Variants in PRUNE2 observed in about 807,000 individuals in gnomAD.
PRUNE2 encodes the protein protein prune homolog 2.
PRUNE2 carries 164 observed loss-of-function variants against 252.0 expected under a neutral mutation model. That is an observed-to-expected ratio of 0.65 (90% CI 0.57 to 0.74). The LOEUF (loss-of-function observed/expected upper bound fraction) is 0.74, where lower values mean the gene tolerates loss of function less well. Ranked by LOEUF, PRUNE2 falls within the 30% of genes least tolerant of loss-of-function variation. The pLI is 0.00. For synonymous variants in PRUNE2, 1,292 were observed against 1,350.2 expected, an observed-to-expected ratio of 0.96 and a Z score of 0.94; for missense variants, 3,495 against 3,711.0, an observed-to-expected ratio of 0.94 and a Z score of 1.51.
At chr9:76,871,147 C>T (rs571604208) in intron 1 of PRUNE2, among the ~76,000 whole-genome samples, 4 of 150,674 alleles carry the variant, frequency 2.7e-5, no homozygotes, top group African/African-American at 1.0e-4. Flanking sequence ...TCCCTCTCTG[C>T]CAGTCATCCA....
intron 1 of PRUNE2, among the ~76,000 whole-genome samples, chr9:76,881,689 T>C (rs1033860381): frequency 6.6e-6 from 1 of 151,982 alleles, no homozygotes; most frequent in African/African-American, 2.4e-5. Flanking sequence ...TGGCACGATC[T>C]TGGCTCACTG....
At chr9:76,640,504 TGTAA>T (rs1289195546) in intron 12 of PRUNE2, among the ~76,000 whole-genome samples, 1 of 152,232 alleles carries the variant, frequency 6.6e-6, no homozygotes, top group Non-Finnish European at 1.5e-5. Flanking sequence ...ATGCTACCTA[TGTAA>T]GTATTCAACT....
intron 1 of PRUNE2, among the ~76,000 whole-genome samples, chr9:76,864,731 C>T (rs1446064093): frequency 1.3e-5 from 2 of 152,012 alleles, no homozygotes; most frequent in South Asian, 2.1e-4. Flanking sequence ...TGGATGTGAT[C>T]GGGGCAATTA....
intron 9 of PRUNE2, chr9:76,692,466 TA>T (rs58784975): frequency 0.53 from 140,716 of 267,706 alleles, 39,225 homozygotes; most frequent in Middle Eastern, 0.66. Flanking sequence ...AACCTCTTTT[TA>T]AAAAAAAATC....
intron 6 of PRUNE2, among the ~76,000 whole-genome samples, chr9:76,766,413 CTCTTT>C (rs1394010488): frequency 4.6e-5 from 7 of 151,994 alleles, no homozygotes; most frequent in African/African-American, 1.7e-4. Context: ...AGTCAGCTTT[CTCTTT>C]TCTTATGTCT....
At chr9:76,743,771 G>A (rs1007483503) in intron 6 of PRUNE2, among the ~76,000 whole-genome samples, 2 of 152,134 alleles carry the variant, frequency 1.3e-5, no homozygotes, top group African/African-American at 4.8e-5. Flanking sequence ...CCATAAGTAT[G>A]TATATATGTC....
At chr9:76,773,005 G>C (rs1253250528) in intron 6 of PRUNE2, among the ~76,000 whole-genome samples, 1 of 152,102 alleles carries the variant, frequency 6.6e-6, no homozygotes, top group Admixed American at 6.6e-5. Context: ...CCAAAACCTT[G>C]CCACCTGGGA....
chr9:76,700,878 A>G (rs2045827027), intron 9 of PRUNE2, among the ~76,000 whole-genome samples: 1 of 152,206 alleles, frequency 6.6e-6, no homozygotes, highest in Non-Finnish European at 1.5e-5. Flanking sequence ...GAAATAGCGC[A>G]GAGTGCTTAA....
At chr9:76,862,214 T>C (rs1364234802) in intron 1 of PRUNE2, 2 of 152,202 alleles carry the variant, frequency 1.3e-5, no homozygotes, top group African/African-American at 2.4e-5. Context: ...AGGTCAGGAG[T>C]TCGAGACCAG....
At chr9:76,651,503 A>C (rs533088248) in intron 11 of PRUNE2, among the ~76,000 whole-genome samples, 1 of 152,368 alleles carries the variant, frequency 6.6e-6, no homozygotes, top group East Asian at 1.9e-4. Flanking sequence ...AAAATGAATA[A>C]AAGCAATAGC....
chr9:76,708,442 C>T lies in PRUNE2; in HGVS notation c.3832G>A (p.Ala1278Thr), dbSNP rs1324674659. The T allele has an allele frequency of 1.2e-6, 2 of 1,613,894 alleles. No individual in the cohort carries two copies. Among genetic ancestry groups the T allele is most frequent in the Middle Eastern group, 1.6e-4 (1 of 6,062 alleles). The change falls in exon 8 of 19, where the codon GCA becomes ACA. Residue 1278 changes from alanine (A) to threonine (T), a missense_variant. Physicochemically the swap from Ala to Thr is moderately conservative, Grantham distance 58. Coordinates refer to ENST00000376718, the MANE Select transcript of PRUNE2 (RefSeq NM_015225.3). ...PAASGTSESEALISHLDKQDT... is the reference protein window; with the variant it reads ...PAASGTSESETLISHLDKQDT... The stretch of plus-strand genomic sequence containing the variant: ...TGCTTGTCAAGATGAGATATAAGTG[C>T]CTCTGATTCACTGGTTCCAGAGGCT...
At chr9:76,749,816 AC>A (rs1230352962) in intron 6 of PRUNE2, among the ~76,000 whole-genome samples, 1 of 152,198 alleles carries the variant, frequency 6.6e-6, no homozygotes, top group East Asian at 1.9e-4. Context: ...TAAGAAGGGA[AC>A]AGGGCATGAC....
chr9:76,796,840 G>T (rs139616038), intron 6 of PRUNE2, among the ~76,000 whole-genome samples: 80 of 152,312 alleles, frequency 5.3e-4, no homozygotes, highest in African/African-American at 1.9e-3. Flanking sequence ...CTGAGGAAGA[G>T]GGAGCCTCTC....
Position 76,705,396 on chromosome 9 carries a change from T to G in PRUNE2, c.6878A>C (p.Asp2293Ala). ...DALLASDTCLDISEAAFDHSF... is the reference protein window; with the variant it reads ...DALLASDTCLAISEAAFDHSF... The stretch of plus-strand genomic sequence containing the variant: ...GTGGTCAAAGGCAGCTTCGCTTATA[T>G]CCAGACAAGTGTCTGAGGCTAGCAA... The change falls in exon 8 of 19, where the codon GAT becomes GCT. Residue 2293 changes from aspartate to alanine, a missense_variant. By Grantham distance (126) the Asp-to-Ala change is moderately radical. Transcript: ENST00000376718. 6.2e-7 allele frequency: 1 copy of G among 1,613,986 alleles called. No individual in the cohort carries two copies. The highest frequency in any genetic ancestry group is 1.3e-5 in the African/African-American group (1 of 75,040).
rs141785473 is a variant in PRUNE2, at chr9:76,777,632, C to T, written c.756+46000G>A. Among the ~76,000 whole-genome samples, 54 of 152,300 alleles carry T rather than the reference C, an allele frequency of 3.5e-4. No homozygotes were observed. The East Asian group carries it at 9.6e-3, about 27-fold the overall frequency. ...TAAAACAGACAAAAATCCCTACCCT[C>T]GTGAAAGTCACATTTCAATGCTGGT... On this transcript the variant is annotated intron_variant, in intron 6 of 18. Coordinates refer to ENST00000376718, the MANE Select transcript of PRUNE2 (RefSeq NM_015225.3).
chr9:76,660,587 G>T (rs1375215381), intron 9 of PRUNE2, among the ~76,000 whole-genome samples: 1 of 151,938 alleles, frequency 6.6e-6, no homozygotes, highest in African/African-American at 2.4e-5. Flanking sequence ...TTCAAGACCA[G>T]CCTGGCCAAG....
rs189417508 is a variant in PRUNE2 at position 76,614,357 on chromosome 9, T to C, written c.*213A>G. Reference sequence around the variant, plus strand: ...TCTTGCTAAGGCTCAACTAAAATCTTTGAGGCACATAATTGGCAAAATAGG... The same window carrying C: ...TCTTGCTAAGGCTCAACTAAAATCTCTGAGGCACATAATTGGCAAAATAGG... On this transcript the variant is annotated 3_prime_UTR_variant, in exon 19 of 19. Transcript: ENST00000376718. 9.1e-4 allele frequency: 533 copies of C among 587,864 alleles called. No individual in the cohort carries two copies. The highest frequency in any genetic ancestry group is 3.3e-3 in the Admixed American group (101 of 30,504). The allele number at this position is 587,864 out of a possible 1,614,324, so 36.4% of individuals were successfully genotyped here. A position where few individuals can be genotyped will look rare whatever the true frequency, so the allele number is the denominator to read the frequency against.
chr9:76,652,272 A>C, intron 11 of PRUNE2: 1 of 522,096 alleles, frequency 1.9e-6, no homozygotes, highest in South Asian at 2.7e-5. Context: ...AGTGGGGGTT[A>C]ATAAAGAGCA....
intron 9 of PRUNE2, among the ~76,000 whole-genome samples, chr9:76,680,366 C>CA (rs2043292622): frequency 6.6e-6 from 1 of 151,882 alleles, no homozygotes; most frequent in Non-Finnish European, 1.5e-5. Flanking sequence ...AACAAACAAA[C>CA]AAAAAACCAA....
Sources: allele counts gnomAD v4.1 joint callset (sites outside exome capture counted in the v4.1 genomes callset), GRCh38; gene constraint gnomAD v4.1.1; transcripts MANE v1.5; gene names NCBI Gene and HGNC (gene_info 2026-07-23, HGNC 2026-07-21).